The following OR51B5 variants were observed in gnomAD, a reference collection of about 807,000 sequenced individuals.
OR51B5 encodes the protein olfactory receptor 51B5.
For missense variants in OR51B5, 456 were observed against 374.6 expected (o/e 1.22, Z -1.79); for synonymous variants, 186 against 144.8 (o/e 1.28, Z -2.04).
At chr11:5,411,554 A>C (rs572972397) in intron 1 of OR51B5, among the ~76,000 whole-genome samples, 13 of 152,356 alleles carry the variant, frequency 8.5e-5, no homozygotes, top group African/African-American at 3.1e-4. Flanking sequence ...GAATGATTAA[A>C]AGGAACATAA....
chr11:5,431,321 C>T (rs987355681), intron 1 of OR51B5: 21 of 304,718 alleles, frequency 6.9e-5, no homozygotes, highest in Non-Finnish European at 1.2e-4. Flanking sequence ...CCATCAAAGT[C>T]AACTCTGTGG....
intron 1 of OR51B5, among the ~76,000 whole-genome samples, chr11:5,375,800 G>T (rs1195698831): frequency 2.0e-5 from 3 of 152,140 alleles, no homozygotes; most frequent in Non-Finnish European, 2.9e-5. Flanking sequence ...GGAGCACCCA[G>T]ATTCATAAAG....
chr11:5,341,475 C>T (rs796651174), downstream of OR51B5: 24 of 152,244 alleles, frequency 1.6e-4, no homozygotes, highest in African/African-American at 5.8e-4. Flanking sequence ...TATATAGTCC[C>T]CTCTCTTGTC....
intron 1 of OR51B5, chr11:5,454,509 A>C: frequency 8.5e-7 from 1 of 1,169,866 alleles, no homozygotes; most frequent in Non-Finnish European, 1.2e-6. Context: ...TCAAAGTATA[A>C]GATAGATTGT....
rs987065839 is a variant in OR51B5 at position 5,379,362 on chromosome 11, A to G, written n.85-32452T>C. On this transcript the variant is annotated intron_variant and non_coding_transcript_variant, in intron 1 of 4. Transcript: ENST00000415970. ...CATTAGGAGATATACCTAATGCTAA[A>G]TTACGAGTTAATGGGTGCAGCACAC... 7.9e-5 allele frequency among the ~76,000 whole-genome samples: 12 copies of G among 152,196 alleles called. No homozygotes were observed. The East Asian group carries it at 9.7e-4, about 12-fold the overall frequency.
chr11:5,407,037 T>G (rs749124724), intron 1 of OR51B5, among the ~76,000 whole-genome samples: 1 of 152,086 alleles, frequency 6.6e-6, no homozygotes, highest in Non-Finnish European at 1.5e-5. Flanking sequence ...AAAACATCAT[T>G]AAAAATACTG....
chr11:5,342,458 T>A, downstream of OR51B5: 1 of 1,170,202 alleles, frequency 8.5e-7, no homozygotes. Flanking sequence ...TAGGGAAACT[T>A]GAAGCTGTAT....
intron 1 of OR51B5, among the ~76,000 whole-genome samples, chr11:5,373,789 C>A (rs1849480032): frequency 6.6e-6 from 1 of 152,200 alleles, no homozygotes; most frequent in Non-Finnish European, 1.5e-5. Context: ...GGGCAGCCGC[C>A]ATTGCCCAGG....
At chr11:5,362,408 T>C (rs1237004524) in intron 1 of OR51B5, among the ~76,000 whole-genome samples, 2 of 152,160 alleles carry the variant, frequency 1.3e-5, no homozygotes, top group African/African-American at 2.4e-5. Flanking sequence ...GTCTATGGCT[T>C]TGGAAAATTG....
chr11:5,371,611 T>A (rs550980592), intron 1 of OR51B5, among the ~76,000 whole-genome samples: 1 of 152,302 alleles, frequency 6.6e-6, no homozygotes, highest in South Asian at 2.1e-4. Context: ...TTGCTTCAGA[T>A]AAAAGCTTTT....
At chr11:5,376,008 A>AT (rs1438542318) in intron 1 of OR51B5, among the ~76,000 whole-genome samples, 4 of 151,870 alleles carry the variant, frequency 2.6e-5, no homozygotes, top group Non-Finnish European at 5.9e-5. Context: ...CAGAATATAC[A>AT]TTTTTTTTCA....
chr11:5,497,224 C>T (rs1851663789), intron 1 of OR51B5, among the ~76,000 whole-genome samples: 1 of 152,100 alleles, frequency 6.6e-6, no homozygotes, highest in Non-Finnish European at 1.5e-5. Flanking sequence ...TAATCTCTTC[C>T]TTAAAGCCTG....
intron 1 of OR51B5, among the ~76,000 whole-genome samples, chr11:5,445,688 T>C (rs1329107774): frequency 6.6e-6 from 1 of 150,996 alleles, no homozygotes; most frequent in African/African-American, 2.4e-5. Context: ...ACAAAGCCAA[T>C]GCATTTATCA....
At chr11:5,454,170 A>T in intron 1 of OR51B5, 1 of 1,613,690 alleles carries the variant, frequency 6.2e-7, no homozygotes, top group Non-Finnish European at 8.5e-7. Flanking sequence ...TGTCATGGCC[A>T]CTGCTTCCCG....
At chr11:5,423,908 G>A (rs74049525) in intron 1 of OR51B5, among the ~76,000 whole-genome samples, 114 of 151,372 alleles carry the variant, frequency 7.5e-4, no homozygotes, top group African/African-American at 2.0e-3. Context: ...TTTTTTTTCC[G>A]GACCAGAGCA....
At chr11:5,488,925 C>A in intron 1 of OR51B5, 2 of 1,614,068 alleles carry the variant, frequency 1.2e-6, no homozygotes, top group Non-Finnish European at 1.7e-6. Flanking sequence ...CACTCACAGA[C>A]CTGGCTCTCA....
chr11:5,402,952 C>A (rs931979138), intron 1 of OR51B5: 1 of 471,326 alleles, frequency 2.1e-6, no homozygotes, highest in Non-Finnish European at 4.4e-6. Flanking sequence ...AGCTGTGCTG[C>A]TGGCCATGTC....
At chr11:5,380,161 A>G (rs1219380240) in intron 1 of OR51B5, among the ~76,000 whole-genome samples, 2 of 152,194 alleles carry the variant, frequency 1.3e-5, no homozygotes, top group Non-Finnish European at 1.5e-5. Flanking sequence ...CCCTTTCATA[A>G]TGACTGAAGA....
Position 5,438,257 on chromosome 11 carries a change from T to C in OR51B5, n.84+67312A>G, listed in dbSNP as rs1850618938. ...GAGGCAGCATGAAGGGGAACAAACC[T>C]GGAGATACTGCCCTCTCTCTCCACT... On this transcript the variant is annotated intron_variant and non_coding_transcript_variant, in intron 1 of 4. Coordinates refer to the OR51B5 transcript ENST00000415970. 3.4e-5 allele frequency among the ~76,000 whole-genome samples: 5 copies of C among 147,578 alleles called. No individual in the cohort carries two copies. The South Asian group carries it at 1.1e-3, about 32-fold the overall frequency.
Sources: allele counts gnomAD v4.1 joint callset (sites outside exome capture counted in the v4.1 genomes callset), GRCh38; gene constraint gnomAD v4.1.1; transcripts MANE v1.5; gene names NCBI Gene and HGNC (gene_info 2026-07-23, HGNC 2026-07-21).